The following RMI1 variants were observed in gnomAD, a reference collection of about 807,000 sequenced individuals.
RMI1 encodes the protein RecQ mediated genome instability 1, also known as recQ-mediated genome instability protein 1.
In RMI1, 36 loss-of-function variants were observed where a neutral mutation model predicts 46.7. That is an observed-to-expected ratio of 0.77 (90% CI 0.59 to 1.02). The LOEUF (loss-of-function observed/expected upper bound fraction) is 1.02. Ranked by LOEUF, RMI1 falls within the 50% of genes least tolerant of loss-of-function variation. The pLI, the probability that RMI1 is intolerant of heterozygous loss-of-function variation, is 0.00. For synonymous variants in RMI1, 250 were observed against 252.9 expected (o/e 0.99, Z 0.11); for missense variants, 676 against 713.7 (o/e 0.95, Z 0.60).
chr9:83,982,691 A>AAAAAC (rs1564077505), intron 1 of RMI1, among the ~76,000 whole-genome samples: 1 of 148,364 alleles, frequency 6.7e-6, no homozygotes, highest in African/African-American at 2.6e-5. Context: ...AAAACAAAAA[A>AAAAAC]AAAAACCTCT....
chr9:84,002,456 C>G lies in RMI1; in HGVS notation c.1470C>G (p.Pro490=), dbSNP rs1259388031. The stretch of plus-strand genomic sequence containing the variant: ...TTGCCATGGATTTGTATTCTCCACC[C>G]TTTGTCTATTTGTCTGTTCTAATGG... ...LSIAMDLYSP[P]FVYLSVLMAS... is the part of the protein sequence containing the mutation. The change falls in exon 3 of 3, where the codon CCC becomes CCG. Residue 490 remains proline (P), a synonymous_variant. Coordinates refer to ENST00000445877, the MANE Select transcript of RMI1 (RefSeq NM_001358291.2). 4 of 1,613,784 alleles carry G rather than the reference C, an allele frequency of 2.5e-6. No individual in the cohort carries two copies. The African/African-American group carries it at 5.3e-5, about 22-fold the overall frequency.
chr9:83,986,967 C>G (rs904059969), intron 1 of RMI1, among the ~76,000 whole-genome samples: 3 of 152,158 alleles, frequency 2.0e-5, no homozygotes, highest in African/African-American at 7.2e-5. Context: ...GGTCCATTTG[C>G]CAGCACTGTG....
At chr9:83,984,744 A>G (rs573936839) in intron 1 of RMI1, among the ~76,000 whole-genome samples, 59 of 150,104 alleles carry the variant, frequency 3.9e-4, no homozygotes, top group African/African-American at 1.4e-3. Context: ...TTGTATTTTT[A>G]GTAGAGACGG....
Position 84,003,682 on chromosome 9 carries a change from T to C in RMI1, c.*818T>C, listed in dbSNP as rs373983370. ...ATTTTGCTGATTATAATATTTGGTA[T>C]ATTTAAGGTAATCTAGTTAACTAGA... On this transcript the variant is annotated 3_prime_UTR_variant, in exon 3 of 3. Coordinates refer to ENST00000445877, the MANE Select transcript of RMI1 (RefSeq NM_001358291.2). The C allele has an allele frequency of 2.4e-3, 394 of 166,536 alleles. 2 individuals carry two copies. The highest frequency in any genetic ancestry group is 4.6e-3 in the Non-Finnish European group (315 of 68,096). 10.3% of individuals were successfully genotyped at this position (166,536 alleles called of 1,614,324 possible). A position where few individuals can be genotyped will look rare whatever the true frequency, so the allele number is the denominator to read the frequency against.
rs766271589 is a variant in RMI1, at chr9:84,002,280, A to C, written c.1294A>C (p.Ser432Arg). 4.4e-6 allele frequency: 7 copies of C among 1,604,950 alleles called. No individual in the cohort carries two copies. Among genetic ancestry groups the C allele is most frequent in the African/African-American group, 4.0e-5 (3 of 74,428 alleles). ...AGATAATAAAATAAAACAAACCAGC[A>C]GTTCAGATAGCCATTCCTTAAATAA... ...ETDNKIKQTS[S>R]SDSHSLNNKI... Residue 432 changes from serine (S) to arginine (R), a missense_variant, in exon 3 of 3, where the codon AGT becomes CGT. Transcript: ENST00000445877.
intron 1 of RMI1, among the ~76,000 whole-genome samples, chr9:83,997,743 C>A (rs1402990626): frequency 6.6e-6 from 1 of 152,018 alleles, no homozygotes; most frequent in East Asian, 1.9e-4. Flanking sequence ...TTGGGTGGGG[C>A]CACAGACCCA....
Position 83,990,783 on chromosome 9 carries a change from T to TTTTC in RMI1, c.-125-8910_-125-8907dup, listed in dbSNP as rs565407157. 4.9e-3 allele frequency among the ~76,000 whole-genome samples: 750 copies of TTTTC among 152,162 alleles called. 1 individual carries two copies. Among genetic ancestry groups the TTTTC allele is most frequent in the Middle Eastern group, 0.017 (5 of 294 alleles). ...AGTATTTTGCTCATTTTAATATTTG[T>TTTTC]TTTCTTTCTTTCTTTCTTTTTATTT... On this transcript the variant is annotated intron_variant, in intron 1 of 2. Coordinates refer to ENST00000445877, the MANE Select transcript of RMI1 (RefSeq NM_001358291.2).
Position 84,003,073 on chromosome 9 carries a change from G to A in RMI1, c.*209G>A, listed in dbSNP as rs1472445795. ...TTTTTTTTTTTTTTTTAATGTCAGGGTATTGCTCTGTTGCCCAGGCTAGAG... is the reference window on the plus strand; with the variant it reads ...TTTTTTTTTTTTTTTTAATGTCAGGATATTGCTCTGTTGCCCAGGCTAGAG... On this transcript the variant is annotated 3_prime_UTR_variant, in exon 3 of 3. Coordinates refer to ENST00000445877, the MANE Select transcript of RMI1 (RefSeq NM_001358291.2). The A allele has an allele frequency of 5.2e-6, 2 of 382,900 alleles. No individual in the cohort carries two copies. Among genetic ancestry groups the A allele is most frequent in the African/African-American group, 2.2e-5 (1 of 45,378 alleles). The allele number at this position is 382,900 out of a possible 1,614,324, so 23.7% of individuals were successfully genotyped here.
Position 83,989,897 on chromosome 9 carries a change from G to A in RMI1, c.-126+9006G>A, listed in dbSNP as rs79106785. 4.3e-3 allele frequency among the ~76,000 whole-genome samples: 652 copies of A among 152,178 alleles called. 6 individuals carry two copies. Among genetic ancestry groups the A allele is most frequent in the African/African-American group, 0.014 (579 of 41,528 alleles). ...ATTGAAGAGAGATCTGCATTCCAGCGTTTATTACAGTACTATTTACAGTTT... is the reference window on the plus strand; with the variant it reads ...ATTGAAGAGAGATCTGCATTCCAGCATTTATTACAGTACTATTTACAGTTT... On this transcript the variant is annotated intron_variant, in intron 1 of 2. Transcript: ENST00000445877.
At chr9:83,997,491 G>C (rs1163880176) in intron 1 of RMI1, among the ~76,000 whole-genome samples, 2 of 151,918 alleles carry the variant, frequency 1.3e-5, no homozygotes, top group African/African-American at 4.8e-5. Flanking sequence ...ATGCCTCCCT[G>C]GACCCTGGTG....
chr9:83,990,367 C>T (rs1271340966), intron 1 of RMI1, among the ~76,000 whole-genome samples: 1 of 152,010 alleles, frequency 6.6e-6, no homozygotes, highest in Non-Finnish European at 1.5e-5. Flanking sequence ...CAAAAATTAG[C>T]CATGCGTGGT....
rs35174397 is a variant in RMI1, at chr9:84,002,677, CA to C, written c.1697del (p.Lys566ArgfsTer20). 2.5e-6 allele frequency: 4 copies of C among 1,613,088 alleles called. No individual in the cohort carries two copies. The highest frequency in any genetic ancestry group is 2.2e-5 in the East Asian group (1 of 44,808). On this transcript the variant is annotated frameshift_variant, in exon 3 of 3. Transcript: ENST00000445877. LOFTEE classifies it high-confidence loss of function. ...IGFSVPEMKQ[S>X]KKDPLQYQKF... is the part of the protein sequence containing the mutation. ...TTCTCAGTACCAGAAATGAAACAGT[CA>C]AAAAAGGATCCTCTTCAATACCAAA...
chr9:83,985,391 C>T (rs2133101670), intron 1 of RMI1, among the ~76,000 whole-genome samples: 1 of 152,226 alleles, frequency 6.6e-6, no homozygotes, highest in Admixed American at 6.5e-5. Context: ...AAGTTCTTGA[C>T]TTTTTGGTAA....
intron 1 of RMI1, among the ~76,000 whole-genome samples, chr9:83,997,784 A>G (rs1360975658): frequency 6.6e-6 from 1 of 151,756 alleles, no homozygotes; most frequent in Non-Finnish European, 1.5e-5. Flanking sequence ...GCTTTTCTTA[A>G]TAAGATAGGG....
chr9:83,991,605 A>T (rs1205223340), intron 1 of RMI1, among the ~76,000 whole-genome samples: 2 of 152,216 alleles, frequency 1.3e-5, no homozygotes, highest in Admixed American at 6.5e-5. Flanking sequence ...GGCATGAGCC[A>T]CCACGTCCAG....
At position 84,002,452 on chromosome 9, in the gene RMI1, C is replaced by T. The variant is rs1322321343; in HGVS notation, c.1466C>T (p.Pro489Leu). Residue 489 changes from proline to leucine, a missense_variant, in exon 3 of 3, where the codon CCA becomes CTA. Physicochemically the swap from Pro to Leu is moderately conservative, Grantham distance 98. Transcript: ENST00000445877. ...TCTATTGCCATGGATTTGTATTCTC[C>T]ACCCTTTGTCTATTTGTCTGTTCTA... is the stretch of plus-strand genomic sequence containing the variant. ...NLSIAMDLYSPPFVYLSVLMA... is the reference protein window; with the variant it reads ...NLSIAMDLYSLPFVYLSVLMA... The T allele has an allele frequency of 6.2e-7, 1 of 1,613,878 alleles. No individual in the cohort carries two copies. The highest frequency in any genetic ancestry group is 1.7e-5 in the Admixed American group (1 of 60,012).
rs762626725 is a variant in RMI1, at chr9:84,001,007, A to G, written c.21A>G (p.Ala7=). 8.7e-6 allele frequency: 14 copies of G among 1,610,440 alleles called. No homozygotes were observed. In the Admixed American group the frequency reaches 2.4e-4, roughly 27 times the overall value. ...AAGAAATGAATGTGACTAGTATTGC[A>G]TTAAGAGCTGAAACTTGGCTTTTAG... MNVTSI[A]LRAETWLLAA... The change falls in exon 3 of 3, where the codon GCA becomes GCG. Residue 7 remains alanine (A), a synonymous_variant. Transcript: ENST00000445877.
At chr9:83,991,547 TC>T (rs1303718242) in intron 1 of RMI1, among the ~76,000 whole-genome samples, 1 of 152,060 alleles carries the variant, frequency 6.6e-6, no homozygotes, top group African/African-American at 2.4e-5. Flanking sequence ...TGAACTTTTG[TC>T]CTCAGGTGAT....
At chr9:83,991,843 A>G (rs1030259892) in intron 1 of RMI1, among the ~76,000 whole-genome samples, 6 of 152,142 alleles carry the variant, frequency 3.9e-5, no homozygotes, top group Non-Finnish European at 8.8e-5. Context: ...ATTTTCCAGT[A>G]TGTTAATCCT....
Sources: gnomAD v4.1 joint callset for allele counts (sites outside exome capture counted in the v4.1 genomes callset) on GRCh38, gnomAD v4.1.1 for gene constraint, MANE v1.5 for transcripts, NCBI Gene and HGNC (gene_info 2026-07-23, HGNC 2026-07-21) for gene names.